FBXO4: variants seen among roughly 807,000 people sequenced by gnomAD.
FBXO4 encodes F-box protein 4.
FBXO4 carries 36 observed loss-of-function variants against 43.7 expected under a neutral mutation model. The observed-to-expected ratio is 0.82, with a 90% CI of 0.63 to 1.09. The LOEUF is 1.09. Ranked by LOEUF, FBXO4 falls within the 50% of genes least tolerant of loss-of-function variation. FBXO4 has a pLI of 0.00. For missense variants in FBXO4, 435 were observed against 474.1 expected, an observed-to-expected ratio of 0.92 and a Z score of 0.77; for synonymous variants, 180 against 165.6, an observed-to-expected ratio of 1.09 and a Z score of -0.67.
chr5:41,978,920 G>A, the FBXO4 span, among the ~76,000 whole-genome samples: 1 of 152,110 alleles, frequency 6.6e-6, no homozygotes, highest in Non-Finnish European at 1.5e-5. Context: ...CATTCCATGA[G>A]AGCCTTAATT....
chr5:41,999,545 G>GTGTA, the FBXO4 span, among the ~76,000 whole-genome samples: 22 of 103,414 alleles, frequency 2.1e-4, no homozygotes, highest in African/African-American at 9.0e-4. Context: ...ACATATATAT[G>GTGTA]TATATATATA....
At chr5:42,007,418 A>T in the FBXO4 span, among the ~76,000 whole-genome samples, 1 of 152,124 alleles carries the variant, frequency 6.6e-6, no homozygotes, top group Admixed American at 6.6e-5. Flanking sequence ...CCATCTTCTA[A>T]GACGTGTAAA....
chr5:42,039,531 T>G, the FBXO4 span, among the ~76,000 whole-genome samples: 1 of 152,018 alleles, frequency 6.6e-6, no homozygotes. Context: ...CCCTTAAATA[T>G]CCACTTGCTC....
At chr5:42,012,155 A>G in the FBXO4 span, among the ~76,000 whole-genome samples, 1 of 152,140 alleles carries the variant, frequency 6.6e-6, no homozygotes, top group African/African-American at 2.4e-5. Context: ...ACTAAGAGCA[A>G]TTGTCAGTAA....
At chr5:42,018,100 G>A in the FBXO4 span, among the ~76,000 whole-genome samples, 1 of 149,826 alleles carries the variant, frequency 6.7e-6, no homozygotes, top group Non-Finnish European at 1.5e-5. Context: ...ATGATAAAAA[G>A]GAACATAATG....
At chr5:41,934,057 C>T in intron 4 of FBXO4, 36 bp downstream of exon 4, 3 of 1,610,006 alleles carry the variant, frequency 1.9e-6, no homozygotes, top group Non-Finnish European at 2.5e-6. Flanking sequence ...ACTGAAACAT[C>T]AGAACTAAAA....
chr5:41,928,899 A>T (rs1322091742), intron 2 of FBXO4, among the ~76,000 whole-genome samples: 1 of 152,246 alleles, frequency 6.6e-6, no homozygotes, highest in African/African-American at 2.4e-5. Flanking sequence ...TTTTGATAAA[A>T]TGCATAATTG....
chr5:41,933,003 C>T (rs1475426904), intron 3 of FBXO4, among the ~76,000 whole-genome samples: 1 of 152,070 alleles, frequency 6.6e-6, no homozygotes, highest in Non-Finnish European at 1.5e-5. Flanking sequence ...TACTAGTCAC[C>T]CTACTAGGAG....
the FBXO4 span, among the ~76,000 whole-genome samples, chr5:41,950,891 G>A: frequency 0.012 from 1,793 of 152,276 alleles, 81 homozygotes; most frequent in Admixed American, 0.074. Context: ...CATAAAAAAG[G>A]AAGAGTTCAT....
chr5:41,952,834 AT>A, the FBXO4 span, among the ~76,000 whole-genome samples: 1 of 151,964 alleles, frequency 6.6e-6, no homozygotes, highest in Non-Finnish European at 1.5e-5. Flanking sequence ...ATTTTAAACA[AT>A]TTTAGGTGTA....
downstream of FBXO4, among the ~76,000 whole-genome samples, chr5:41,942,035 T>A (rs1369761342): frequency 1.3e-5 from 2 of 152,126 alleles, no homozygotes; most frequent in Non-Finnish European, 2.9e-5. Flanking sequence ...ACTCAGCAAT[T>A]TTAAGATTAT....
At chr5:41,980,621 C>A in the FBXO4 span, among the ~76,000 whole-genome samples, 1 of 152,042 alleles carries the variant, frequency 6.6e-6, no homozygotes, top group African/African-American at 2.4e-5. Context: ...CTATTAATCA[C>A]CTTTATAGCC....
chr5:42,026,689 C>T, the FBXO4 span, among the ~76,000 whole-genome samples: 38 of 151,816 alleles, frequency 2.5e-4, no homozygotes, highest in Non-Finnish European at 3.8e-4. Context: ...ATGATACTAG[C>T]TGAGGGTTTG....
the FBXO4 span, among the ~76,000 whole-genome samples, chr5:42,008,065 G>C: frequency 2.0e-5 from 3 of 152,102 alleles, no homozygotes. Context: ...AAATCAATGA[G>C]ACATTGTGAT....
rs149641264 is a variant in FBXO4 at position 41,929,577 on chromosome 5, T to C, written c.426-120T>C. 190 of 705,860 alleles carry C rather than the reference T, an allele frequency of 2.7e-4. No homozygotes were observed. The African/African-American group carries it at 3.1e-3, about 11-fold the overall frequency. The allele number at this position is 705,860 out of a possible 1,614,324, so 43.7% of individuals were successfully genotyped here. A position where few individuals can be genotyped will look rare whatever the true frequency, so the allele number is the denominator to read the frequency against. ...GTCTGTCTATTGTTCTCCTGGAGGA[T>C]TGGGACTATATAATCATTGTATCCA... On this transcript the variant is annotated intron_variant, in intron 2 of 6. Coordinates refer to ENST00000281623, the MANE Select transcript of FBXO4 (RefSeq NM_012176.3).
At chr5:42,021,857 A>G in the FBXO4 span, among the ~76,000 whole-genome samples, 1 of 152,138 alleles carries the variant, frequency 6.6e-6, no homozygotes, top group African/African-American at 2.4e-5. Context: ...GAAAGAATAA[A>G]AGCATGAATC....
At chr5:41,962,818 A>G in the FBXO4 span, among the ~76,000 whole-genome samples, 2 of 152,186 alleles carry the variant, frequency 1.3e-5, no homozygotes, top group Admixed American at 6.5e-5. Flanking sequence ...GGGGACTCCA[A>G]ATCATCATGC....
At chr5:42,000,179 T>C in the FBXO4 span, among the ~76,000 whole-genome samples, 1 of 152,208 alleles carries the variant, frequency 6.6e-6, no homozygotes, top group Non-Finnish European at 1.5e-5. Context: ...TGAATAACAT[T>C]TCATTAAATA....
the FBXO4 span, among the ~76,000 whole-genome samples, chr5:41,958,131 ATTTTTTT>A: frequency 7.8e-6 from 1 of 128,826 alleles, no homozygotes; most frequent in Non-Finnish European, 1.6e-5. Flanking sequence ...CTGTTAACAA[ATTTTTTT>A]TTTTTTTTTT....
Sources: gnomAD v4.1 joint callset for allele counts (sites outside exome capture counted in the v4.1 genomes callset) on GRCh38, gnomAD v4.1.1 for gene constraint, MANE v1.5 for transcripts, NCBI Gene and HGNC (gene_info 2026-07-23, HGNC 2026-07-21) for gene names.